WDPCP: variants seen among roughly 807,000 people sequenced by gnomAD.
WDPCP encodes the protein WD repeat containing planar cell polarity effector, also known as WD repeat-containing and planar cell polarity effector protein fritz homolog.
WDPCP carries 71 observed loss-of-function variants against 93.1 expected under a neutral mutation model. The observed-to-expected ratio is 0.76, with a 90% confidence interval of 0.63 to 0.93. WDPCP has a LOEUF of 0.93. WDPCP is among the 40% of genes least tolerant of loss of function. The pLI, the probability that WDPCP is intolerant of heterozygous loss-of-function variation, is 0.00. For missense variants in WDPCP, 844 were observed against 887.4 expected (o/e 0.95, Z 0.62); for synonymous variants, 315 against 315.0 (o/e 1.00, Z 0.00).
intron 1 of WDPCP, among the ~76,000 whole-genome samples, chr2:63,820,709 A>T (rs1192605746): frequency 6.6e-6 from 1 of 152,120 alleles, no homozygotes; most frequent in Non-Finnish European, 1.5e-5. Context: ...TCTTTTTAGG[A>T]AACGGTGGTT....
intron 1 of WDPCP, among the ~76,000 whole-genome samples, chr2:63,515,373 T>C (rs1444797699): frequency 1.4e-5 from 2 of 147,988 alleles, no homozygotes; most frequent in Non-Finnish European, 3.1e-5. Context: ...TAAACTTCAT[T>C]GTGTGACTTG....
intron 4 of WDPCP, among the ~76,000 whole-genome samples, chr2:63,485,841 T>C (rs1006870007): frequency 2.0e-5 from 3 of 151,816 alleles, no homozygotes; most frequent in Non-Finnish European, 2.9e-5. Context: ...ATAGTATACA[T>C]AGATACTTAA....
intron 15 of WDPCP, chr2:63,168,528 T>C (rs904130024): frequency 6.6e-6 from 1 of 152,224 alleles, no homozygotes; most frequent in Non-Finnish European, 1.5e-5. Context: ...ATGACTGATA[T>C]GCTAGGTTTC....
intron 6 of WDPCP, among the ~76,000 whole-genome samples, chr2:63,473,042 A>G (rs1016676517): frequency 2.0e-5 from 3 of 152,208 alleles, no homozygotes; most frequent in Non-Finnish European, 4.4e-5. Context: ...GAATTTCCAC[A>G]AAAGTATGGT....
intron 1 of WDPCP, among the ~76,000 whole-genome samples, chr2:63,555,552 C>T (rs917081467): frequency 2.6e-5 from 4 of 152,196 alleles, no homozygotes; most frequent in African/African-American, 7.2e-5. Context: ...GAGACCCCCC[C>T]GCAACAGGGG....
chr2:63,794,541 G>A (rs145451664), intron 2 of WDPCP, among the ~76,000 whole-genome samples: 180 of 152,290 alleles, frequency 1.2e-3, no homozygotes, highest in African/African-American at 3.8e-3. Flanking sequence ...AACAAAGCAC[G>A]TAGCTGTATT....
At chr2:63,608,655 TA>T (rs982757175) in intron 3 of WDPCP, among the ~76,000 whole-genome samples, 17 of 151,826 alleles carry the variant, frequency 1.1e-4, no homozygotes, top group African/African-American at 4.1e-4. Flanking sequence ...CAAAAAAATT[TA>T]AAAATTAGCT....
intron 1 of WDPCP, among the ~76,000 whole-genome samples, chr2:63,509,951 C>G (rs1702123309): frequency 6.6e-6 from 1 of 151,858 alleles, no homozygotes; most frequent in South Asian, 2.1e-4. Context: ...AGTCTACCAA[C>G]CAAAAAAAGC....
At chr2:63,765,164 A>G (rs893746622) in intron 2 of WDPCP, among the ~76,000 whole-genome samples, 1 of 152,214 alleles carries the variant, frequency 6.6e-6, no homozygotes, top group African/African-American at 2.4e-5. Context: ...ACTACAGAGG[A>G]ATAGTTCACT....
At chr2:63,770,079 A>G (rs1022051425) in intron 2 of WDPCP, among the ~76,000 whole-genome samples, 6 of 151,964 alleles carry the variant, frequency 3.9e-5, no homozygotes, top group African/African-American at 1.4e-4. Context: ...TTAAGCTAGA[A>G]ATCAGTAATA....
intron 17 of WDPCP, among the ~76,000 whole-genome samples, chr2:63,150,890 A>C (rs1457909134): frequency 6.6e-6 from 1 of 152,220 alleles, no homozygotes; most frequent in East Asian, 1.9e-4. Flanking sequence ...TTTCACAAGA[A>C]GACTTTGCAA....
chr2:63,537,649 A>C (rs1704394633), intron 1 of WDPCP, among the ~76,000 whole-genome samples: 1 of 151,912 alleles, frequency 6.6e-6, no homozygotes, highest in African/African-American at 2.4e-5. Flanking sequence ...CCCTCTTCCA[A>C]CCCTTCTCCT....
chr2:63,219,420 C>T (rs928864820), intron 14 of WDPCP, among the ~76,000 whole-genome samples: 1 of 152,146 alleles, frequency 6.6e-6, no homozygotes, highest in African/African-American at 2.4e-5. Context: ...CAGTTTTGTG[C>T]CCAAAGGCTT....
intron 3 of WDPCP, among the ~76,000 whole-genome samples, chr2:63,614,652 T>A (rs1709653918): frequency 6.6e-6 from 1 of 152,168 alleles, no homozygotes; most frequent in African/African-American, 2.4e-5. Context: ...CCAAGGTGAC[T>A]CATAGCAATT....
intron 1 of WDPCP, among the ~76,000 whole-genome samples, chr2:63,544,006 T>C (rs1224628419): frequency 6.6e-6 from 1 of 152,078 alleles, no homozygotes; most frequent in Non-Finnish European, 1.5e-5. Context: ...AATATACCAA[T>C]AGCTTGAGAC....
At chr2:63,391,890 A>C (rs1693282226) in intron 10 of WDPCP, among the ~76,000 whole-genome samples, 1 of 152,224 alleles carries the variant, frequency 6.6e-6, no homozygotes, top group Non-Finnish European at 1.5e-5. Context: ...AAAAGAGGAC[A>C]CAAACAAATG....
chr2:63,597,276 T>C, intron 3 of WDPCP: 1 of 1,247,240 alleles, frequency 8.0e-7, no homozygotes, highest in Non-Finnish European at 1.0e-6. Flanking sequence ...CTGAAATGTA[T>C]ATCAGTGTGA....
chr2:63,704,417 TATG>T (rs1241580074), intron 2 of WDPCP, among the ~76,000 whole-genome samples: 1 of 152,240 alleles, frequency 6.6e-6, no homozygotes, highest in African/African-American at 2.4e-5. Flanking sequence ...GCCCATTCAG[TATG>T]ATATTGGCTG....
At chr2:63,181,696 G>T (rs1274565348) in intron 14 of WDPCP, among the ~76,000 whole-genome samples, 1 of 150,692 alleles carries the variant, frequency 6.6e-6, no homozygotes, top group Non-Finnish European at 1.5e-5. Context: ...CATTCTATAT[G>T]AATTTTAGGA....
Sources: allele counts gnomAD v4.1 joint callset (sites outside exome capture counted in the v4.1 genomes callset), GRCh38; gene constraint gnomAD v4.1.1; transcripts MANE v1.5; gene names NCBI Gene and HGNC (gene_info 2026-07-23, HGNC 2026-07-21).